Variants in CADPS2 observed in about 807,000 individuals in gnomAD.
CADPS2 encodes the protein calcium dependent secretion activator 2, also known as calcium-dependent secretion activator 2.
Under a neutral mutation model 172.5 loss-of-function variants are expected in CADPS2, and 93 were observed. The ratio of observed to expected loss-of-function variants is 0.54; its 90% CI spans 0.46 to 0.64. The LOEUF is 0.64. Among genes scored for constraint, CADPS2 ranks in the 30% least tolerant of loss-of-function variants. The pLI is 0.00. For synonymous variants in CADPS2, 546 were observed against 555.2 expected, an observed-to-expected ratio of 0.98 and a Z score of 0.23; for missense variants, 1,420 against 1,565.9, an observed-to-expected ratio of 0.91 and a Z score of 1.57.
At chr7:122,602,909 G>T (rs372353064) in intron 6 of CADPS2, among the ~76,000 whole-genome samples, 2 of 152,164 alleles carry the variant, frequency 1.3e-5, no homozygotes, top group African/African-American at 4.8e-5. Context: ...CATAACTCCA[G>T]AACAGGTAAT....
chr7:122,573,758 A>G (rs1032729842), intron 7 of CADPS2, among the ~76,000 whole-genome samples: 4 of 152,152 alleles, frequency 2.6e-5, no homozygotes, highest in African/African-American at 9.7e-5. Context: ...GCCAGATAGT[A>G]CCCTAAGAAG....
intron 22 of CADPS2, among the ~76,000 whole-genome samples, chr7:122,391,575 G>C (rs1018464216): frequency 6.6e-6 from 1 of 151,974 alleles, no homozygotes; most frequent in Non-Finnish European, 1.5e-5. Context: ...GCAATTTTCT[G>C]AGCACACACA....
At chr7:122,554,733 T>A (rs372044967) in intron 7 of CADPS2, 44 bp from the exon 8 acceptor site, 6 of 1,469,968 alleles carry the variant, frequency 4.1e-6, no homozygotes, top group Non-Finnish European at 5.4e-6. Context: ...TGATACGGAG[T>A]GTCTATGGGT....
At chr7:122,689,307 A>G (rs1330010431) in intron 2 of CADPS2, among the ~76,000 whole-genome samples, 1 of 152,162 alleles carries the variant, frequency 6.6e-6, no homozygotes, top group East Asian at 1.9e-4. Context: ...ACAAGGGCAC[A>G]AGTGCCACCT....
chr7:122,708,419 A>C (rs2087959297), intron 2 of CADPS2, among the ~76,000 whole-genome samples: 1 of 147,164 alleles, frequency 6.8e-6, no homozygotes, highest in South Asian at 2.1e-4. Context: ...CTGATTCTAT[A>C]TATGTACACA....
rs773480913 is a variant in CADPS2 at position 122,474,509 on chromosome 7, G to A, written c.1870C>T (p.Arg624Cys). The A allele has an allele frequency of 9.3e-6, 15 of 1,612,390 alleles. No individual in the cohort carries two copies. The highest frequency in any genetic ancestry group is 4.0e-5 in the African/African-American group (3 of 74,804). The change falls in exon 13 of 30, where the codon CGT becomes TGT. Residue 624 changes from arginine (R) to cysteine (C), a missense_variant. Physicochemically the swap from Arg to Cys is radical, Grantham distance 180 (BLOSUM62 -3). Transcript: ENST00000449022. ...TCATCCATACCATGTTTCTGAAAACGATCTGCATCTGTAAATTCAGGAAAG... is the reference window on the plus strand; with the variant it reads ...TCATCCATACCATGTTTCTGAAAACAATCTGCATCTGTAAATTCAGGAAAG... ...DAQLSGKDAD[R>C]FQKHGMDEFI...
intron 1 of CADPS2, among the ~76,000 whole-genome samples, chr7:122,796,834 A>G (rs1796476315): frequency 6.6e-6 from 1 of 152,212 alleles, no homozygotes; most frequent in African/African-American, 2.4e-5. Flanking sequence ...GAAGACACCA[A>G]AAGCAATCGC....
intron 15 of CADPS2, among the ~76,000 whole-genome samples, chr7:122,447,495 C>T (rs1308415860): frequency 1.3e-5 from 2 of 149,032 alleles, no homozygotes; most frequent in African/African-American, 2.5e-5. Flanking sequence ...TTAACCATCA[C>T]TCTAGGGACA....
intron 13 of CADPS2, among the ~76,000 whole-genome samples, chr7:122,473,957 G>A (rs34512351): frequency 6.6e-6 from 1 of 152,118 alleles, no homozygotes; most frequent in Non-Finnish European, 1.5e-5. Flanking sequence ...CTGCCACTTA[G>A]GTTGTCCTTC....
intron 1 of CADPS2, among the ~76,000 whole-genome samples, chr7:122,740,633 A>T (rs762928862): frequency 5.8e-4 from 88 of 152,132 alleles, no homozygotes; most frequent in Non-Finnish European, 1.2e-3. Flanking sequence ...AAAATTTCAT[A>T]AAAAAATAAA....
At chr7:122,412,919 T>G (rs1482790667) in intron 19 of CADPS2, 1 of 152,210 alleles carries the variant, frequency 6.6e-6, no homozygotes, top group African/African-American at 2.4e-5. Flanking sequence ...TCTACATCCC[T>G]GTTGTGATGC....
chr7:122,610,336 TTAAAA>T (rs2074137655), intron 6 of CADPS2, among the ~76,000 whole-genome samples: 2 of 151,984 alleles, frequency 1.3e-5, no homozygotes, highest in South Asian at 4.2e-4. Context: ...AAAAAAAGTG[TTAAAA>T]TAACGTAACT....
At chr7:122,727,138 A>C (rs936627948) in intron 2 of CADPS2, among the ~76,000 whole-genome samples, 1 of 152,080 alleles carries the variant, frequency 6.6e-6, no homozygotes, top group African/African-American at 2.4e-5. Context: ...TGATAAACAA[A>C]TGTGCCCTTC....
intron 19 of CADPS2, among the ~76,000 whole-genome samples, chr7:122,411,223 CTT>C (rs560751027): frequency 5.7e-5 from 8 of 141,430 alleles, no homozygotes; most frequent in East Asian, 2.1e-4. Context: ...CCTTTGATTA[CTT>C]TTTTTTTTTT....
chr7:122,803,290 G>A (rs1798032734), intron 1 of CADPS2, among the ~76,000 whole-genome samples: 1 of 152,110 alleles, frequency 6.6e-6, no homozygotes, highest in African/African-American at 2.4e-5. Flanking sequence ...GGTAAATGTT[G>A]CCAGCATTTG....
At chr7:122,547,075 T>G (rs186398338) in intron 8 of CADPS2, among the ~76,000 whole-genome samples, 50 of 74,954 alleles carry the variant, frequency 6.7e-4, no homozygotes, top group African/African-American at 1.4e-3. Flanking sequence ...ATCTAGGGTG[T>G]TTTTTTTTTG....
chr7:122,881,321 C>T (rs1166123849), intron 1 of CADPS2, among the ~76,000 whole-genome samples: 1 of 152,114 alleles, frequency 6.6e-6, no homozygotes, highest in Non-Finnish European at 1.5e-5. Flanking sequence ...CAAATGACAA[C>T]GTCACTTAAT....
Position 122,384,959 on chromosome 7 carries a change from A to G in CADPS2, c.3312+2067T>C, listed in dbSNP as rs138802124. Among the ~76,000 whole-genome samples the G allele has an allele frequency of 6.6e-3, 1,000 of 152,202 alleles. 4 individuals are homozygous for G. The highest frequency in any genetic ancestry group is 0.014 in the Middle Eastern group (4 of 294). On this transcript the variant is annotated intron_variant, in intron 24 of 29. Coordinates refer to ENST00000449022, the MANE Select transcript of CADPS2 (RefSeq NM_017954.11). ...TTTACTAAAGTGCCTACTGCATGTC[A>G]GGTACTGCAGTGTATGTTAAAATAA... is the stretch of plus-strand genomic sequence containing the variant.
At chr7:122,490,555 C>T (rs2058190232) in intron 10 of CADPS2, among the ~76,000 whole-genome samples, 4 of 152,040 alleles carry the variant, frequency 2.6e-5, no homozygotes, top group Admixed American at 2.6e-4. Flanking sequence ...TAAACACACT[C>T]CATGGAAATG....
Sources: allele counts gnomAD v4.1 joint callset (sites outside exome capture counted in the v4.1 genomes callset), GRCh38; gene constraint gnomAD v4.1.1; transcripts MANE v1.5; gene names NCBI Gene and HGNC (gene_info 2026-07-23, HGNC 2026-07-21).